The following PPFIA2 variants were observed in gnomAD, a reference collection of about 807,000 sequenced individuals.
The protein encoded by PPFIA2 is PPFI scaffold protein A2, also known as liprin-alpha-2.
A neutral mutation model predicts 175.5 loss-of-function variants in PPFIA2; 46 were observed. That is an observed-to-expected ratio of 0.26 (90% CI 0.21 to 0.34). The LOEUF is 0.34. PPFIA2 is among the 10% of genes least tolerant of loss of function. PPFIA2 has a pLI of 1.00. For missense variants in PPFIA2, 1,179 were observed against 1,506.1 expected (o/e 0.78, Z 3.60); for synonymous variants, 568 against 511.4 (o/e 1.11, Z -1.49).
Position 81,614,651 on chromosome 12 carries a change from A to G in PPFIA2, c.303+62140T>C, listed in dbSNP as rs971938466. On this transcript the variant is annotated intron_variant, in intron 4 of 32. Transcript: ENST00000549396. ...GCTAGCAAATACAGTATTTTCTCCTAAATTTTACTTTTTCCAAGAATTTTA... is the reference window on the plus strand; with the variant it reads ...GCTAGCAAATACAGTATTTTCTCCTGAATTTTACTTTTTCCAAGAATTTTA... Among the ~76,000 whole-genome samples, 83 of 152,188 alleles carry G rather than the reference A, an allele frequency of 5.5e-4. 2 individuals carry two copies. In the Middle Eastern group the frequency reaches 0.034, roughly 62 times the overall value.
At chr12:81,406,023 A>G (rs2042875020) in intron 7 of PPFIA2, 120 bp from the exon 8 acceptor site, 5 of 542,470 alleles carry the variant, frequency 9.2e-6, no homozygotes, top group Non-Finnish European at 1.6e-5. Context: ...CAGAAAGTGA[A>G]CATTACATTT....
At chr12:81,341,295 G>T (rs796820111) in intron 19 of PPFIA2, 87 bp from the exon 20 acceptor site, 1 of 1,311,814 alleles carries the variant, frequency 7.6e-7, no homozygotes, top group South Asian at 1.6e-5. Flanking sequence ...GAACAAGGCT[G>T]TCGAGTAATT....
chr12:81,407,953 A>G (rs1821903338), intron 7 of PPFIA2, among the ~76,000 whole-genome samples: 1 of 152,222 alleles, frequency 6.6e-6, no homozygotes, highest in African/African-American at 2.4e-5. Context: ...TAATTTTCAA[A>G]AGAATGCTTC....
intron 2 of PPFIA2, among the ~76,000 whole-genome samples, chr12:81,755,987 T>C (rs991518959): frequency 1.3e-5 from 2 of 152,112 alleles, no homozygotes; most frequent in Non-Finnish European, 2.9e-5. Context: ...CAGACTCTTT[T>C]TAGATGCTTC....
chr12:81,467,287 G>A (rs765593521), intron 4 of PPFIA2, among the ~76,000 whole-genome samples: 10 of 151,998 alleles, frequency 6.6e-5, no homozygotes, highest in Non-Finnish European at 1.5e-4. Flanking sequence ...TTTACATTAC[G>A]ACTACCTAAG....
At chr12:81,503,924 T>TAATTGTAATTA (rs1260472958) in intron 4 of PPFIA2, among the ~76,000 whole-genome samples, 11 of 152,030 alleles carry the variant, frequency 7.2e-5, no homozygotes, top group Non-Finnish European at 7.4e-5. Flanking sequence ...ATACAATTTT[T>TAATTGTAATTA]AATTGTATTT....
chr12:81,642,901 T>C (rs961960998), intron 4 of PPFIA2, among the ~76,000 whole-genome samples: 1 of 144,342 alleles, frequency 6.9e-6, no homozygotes, highest in African/African-American at 2.5e-5. Context: ...ATTTATGTTA[T>C]ATACACACAA....
chr12:81,669,404 A>G (rs767539788), intron 4 of PPFIA2, among the ~76,000 whole-genome samples: 7 of 152,024 alleles, frequency 4.6e-5, no homozygotes, highest in Admixed American at 4.6e-4. Flanking sequence ...TAATTCATTC[A>G]TTCAACCAAT....
chr12:81,530,261 T>C (rs1223911875), intron 4 of PPFIA2, among the ~76,000 whole-genome samples: 1 of 151,926 alleles, frequency 6.6e-6, no homozygotes, highest in East Asian at 1.9e-4. Context: ...TTTTGCTAAC[T>C]ACTATTGGGT....
rs1023332389 is a variant in PPFIA2, at chr12:81,636,446, T to C, written c.303+40345A>G. ...ACGCCCGGCTAATTTTTTGTATTTT[T>C]AGTAGAGACGGGGTTTCACTGTGTT... On this transcript the variant is annotated intron_variant, in intron 4 of 32. Transcript: ENST00000549396. 4.0e-5 allele frequency among the ~76,000 whole-genome samples: 6 copies of C among 151,074 alleles called. No homozygotes were observed. In the East Asian group the frequency reaches 1.2e-3, roughly 30 times the overall value.
chr12:81,634,324 T>C (rs1325737868), intron 4 of PPFIA2, among the ~76,000 whole-genome samples: 1 of 152,052 alleles, frequency 6.6e-6, no homozygotes, highest in Non-Finnish European at 1.5e-5. Flanking sequence ...AATCCTATTT[T>C]TGTAATGAAA....
intron 22 of PPFIA2, 62 bp downstream of exon 22, chr12:81,325,715 C>T: frequency 8.4e-7 from 1 of 1,192,390 alleles, no homozygotes; most frequent in Non-Finnish European, 1.2e-6. Flanking sequence ...TTTTAATTCC[C>T]TATAAATAAT....
At chr12:81,308,931 C>A (rs2050023858) in intron 22 of PPFIA2, among the ~76,000 whole-genome samples, 1 of 152,110 alleles carries the variant, frequency 6.6e-6, no homozygotes, top group Non-Finnish European at 1.5e-5. Context: ...TTCAGAGCTA[C>A]TGATTTACTA....
At chr12:81,508,536 A>AT (rs1158264587) in intron 4 of PPFIA2, among the ~76,000 whole-genome samples, 3 of 148,906 alleles carry the variant, frequency 2.0e-5, no homozygotes, top group African/African-American at 7.6e-5. Context: ...AAAAAAAAAA[A>AT]AAAAAAAAAG....
At chr12:81,642,648 A>G (rs1267586192) in intron 4 of PPFIA2, among the ~76,000 whole-genome samples, 7 of 68,552 alleles carry the variant, frequency 1.0e-4, no homozygotes, top group African/African-American at 2.0e-4. Context: ...ATATACATAC[A>G]TGTATGTATC....
chr12:81,309,276 C>A (rs1187625580), intron 22 of PPFIA2, among the ~76,000 whole-genome samples: 2 of 152,054 alleles, frequency 1.3e-5, no homozygotes. Context: ...ATTTGAGAAG[C>A]TAGTTGAAAT....
intron 7 of PPFIA2, among the ~76,000 whole-genome samples, chr12:81,407,223 G>A (rs1325807606): frequency 6.6e-6 from 1 of 152,088 alleles, no homozygotes; most frequent in Non-Finnish European, 1.5e-5. Context: ...GGCAGCTCAC[G>A]CCTGTAATCT....
chr12:81,425,310 C>T (rs2046954496), intron 7 of PPFIA2, among the ~76,000 whole-genome samples: 1 of 151,972 alleles, frequency 6.6e-6, no homozygotes, highest in African/African-American at 2.4e-5. Context: ...ACACCAGTTG[C>T]CTTTCCCAAA....
chr12:81,330,842 A>C (rs1462090812), intron 21 of PPFIA2, among the ~76,000 whole-genome samples: 3 of 152,210 alleles, frequency 2.0e-5, no homozygotes, highest in Admixed American at 6.5e-5. Flanking sequence ...TTAATTGTTC[A>C]ACATCTGTTA....
Sources: gnomAD v4.1 joint callset for allele counts (sites outside exome capture counted in the v4.1 genomes callset) on GRCh38, gnomAD v4.1.1 for gene constraint, MANE v1.5 for transcripts, NCBI Gene and HGNC (gene_info 2026-07-23, HGNC 2026-07-21) for gene names.